Variants in FHIP1A observed in about 807,000 individuals in gnomAD.
FHIP1A encodes the protein FHF complex subunit HOOK interacting protein 1A, also known as FHF complex subunit HOOK-interacting protein 1A.
In FHIP1A, 61 loss-of-function variants were observed where a neutral mutation model predicts 88.6. The ratio of observed to expected loss-of-function variants is 0.69; its 90% CI spans 0.56 to 0.85. The LOEUF is 0.85. Among genes scored for constraint, FHIP1A ranks in the 40% least tolerant of loss-of-function variants. FHIP1A has a pLI of 0.00. For synonymous variants in FHIP1A, 478 were observed against 496.0 expected (o/e 0.96, Z 0.48); for missense variants, 1,154 against 1,273.5 (o/e 0.91, Z 1.43).
intron 7 of FHIP1A, among the ~76,000 whole-genome samples, chr4:151,605,627 G>A (rs1735043660): frequency 6.6e-6 from 1 of 152,214 alleles, no homozygotes; most frequent in Non-Finnish European, 1.5e-5. Flanking sequence ...AATAATTTCA[G>A]CCATTTCCTT....
intron 2 of FHIP1A, among the ~76,000 whole-genome samples, chr4:151,466,425 C>A (rs1729316163): frequency 6.6e-6 from 1 of 152,180 alleles, no homozygotes; most frequent in African/African-American, 2.4e-5. Flanking sequence ...TTTATAGATT[C>A]AGTGCTATTC....
chr4:151,518,635 T>TCCC (rs1560744124), intron 3 of FHIP1A, among the ~76,000 whole-genome samples: 1 of 81,456 alleles, frequency 1.2e-5, no homozygotes, highest in South Asian at 4.3e-4. Flanking sequence ...AACTATCCAT[T>TCCC]TCCCTCCCTC....
At chr4:151,619,957 G>A (rs1434797437) in intron 7 of FHIP1A, among the ~76,000 whole-genome samples, 1 of 152,066 alleles carries the variant, frequency 6.6e-6, no homozygotes, top group East Asian at 1.9e-4. Flanking sequence ...TAGATGCAAA[G>A]GAAGCAGGGA....
At chr4:151,418,904 C>G (rs1266938127) in intron 1 of FHIP1A, among the ~76,000 whole-genome samples, 2 of 152,130 alleles carry the variant, frequency 1.3e-5, no homozygotes, top group Admixed American at 6.5e-5. Context: ...TTTTGTTTCT[C>G]TTTCCAGTTT....
At position 151,665,166 on chromosome 4, in the gene FHIP1A, G is replaced by T. The variant is rs1472982784; in HGVS notation, c.*2412G>T. On this transcript the variant is annotated 3_prime_UTR_variant, in exon 14 of 14. Transcript: ENST00000435205. ...ACTTTTTGGTATAGTTTGTAGAGAT[G>T]GGGTTTCACCTTGTTGCCCAGGCTG... Among the ~76,000 whole-genome samples, 22 of 152,076 alleles carry T rather than the reference G, an allele frequency of 1.4e-4. No homozygotes were observed. The highest frequency in any genetic ancestry group is 1.4e-3 in the Admixed American group (22 of 15,270).
intron 2 of FHIP1A, among the ~76,000 whole-genome samples, chr4:151,460,083 A>G (rs536658968): frequency 6.6e-5 from 10 of 152,178 alleles, no homozygotes; most frequent in African/African-American, 2.4e-4. Flanking sequence ...GTGGCTACAT[A>G]TTGAAAAATA....
chr4:151,428,759 T>A (rs1027917270), intron 1 of FHIP1A, among the ~76,000 whole-genome samples: 1 of 152,220 alleles, frequency 6.6e-6, no homozygotes, highest in Non-Finnish European at 1.5e-5. Context: ...TTCATTTCTT[T>A]TAATGTGTTT....
Position 151,588,066 on chromosome 4 carries a change from G to A in FHIP1A, c.892-774G>A, listed in dbSNP as rs557159773. ...CTTTTTTTAAAGAAAGAGAAATAAA[G>A]CTAATGGGCATGGTAAGAACAGGGA... On this transcript the variant is annotated intron_variant, in intron 6 of 13. Coordinates refer to ENST00000435205, the MANE Select transcript of FHIP1A (RefSeq NM_001109977.3). 8.6e-5 allele frequency among the ~76,000 whole-genome samples: 13 copies of A among 151,954 alleles called. No individual in the cohort carries two copies. The South Asian group carries it at 2.7e-3, about 32-fold the overall frequency.
intron 7 of FHIP1A, among the ~76,000 whole-genome samples, chr4:151,624,415 C>G (rs913183479): frequency 1.3e-5 from 2 of 152,082 alleles, no homozygotes; most frequent in Non-Finnish European, 2.9e-5. Flanking sequence ...TTTCCCCAGG[C>G]AGACAGACCC....
chr4:151,483,909 G>GT (rs1729987078), intron 3 of FHIP1A, among the ~76,000 whole-genome samples: 1 of 152,158 alleles, frequency 6.6e-6, no homozygotes, highest in African/African-American at 2.4e-5. Context: ...GAACAAAGTG[G>GT]TATTGCATAA....
At chr4:151,580,062 C>G (rs184645154) in intron 5 of FHIP1A, among the ~76,000 whole-genome samples, 1 of 152,184 alleles carries the variant, frequency 6.6e-6, no homozygotes, top group African/African-American at 2.4e-5. Context: ...ATCCAGTTCT[C>G]CTACTGTGCC....
chr4:151,419,132 A>G (rs1733014116), intron 1 of FHIP1A, among the ~76,000 whole-genome samples: 1 of 152,150 alleles, frequency 6.6e-6, no homozygotes, highest in South Asian at 2.1e-4. Context: ...TCTGGATGAG[A>G]TTAACATTAG....
intron 7 of FHIP1A, among the ~76,000 whole-genome samples, chr4:151,620,452 A>G (rs546691220): frequency 6.6e-6 from 1 of 152,346 alleles, no homozygotes; most frequent in East Asian, 1.9e-4. Flanking sequence ...GCCAGTCTCA[A>G]CTAGCCTAGA....
At chr4:151,594,670 G>T (rs1734579421) in intron 7 of FHIP1A, among the ~76,000 whole-genome samples, 1 of 151,408 alleles carries the variant, frequency 6.6e-6, no homozygotes, top group Non-Finnish European at 1.5e-5. Context: ...TCCGCCTCCT[G>T]GGTTCATGTC....
chr4:151,506,464 G>A (rs1034222046), intron 3 of FHIP1A, among the ~76,000 whole-genome samples: 3 of 152,198 alleles, frequency 2.0e-5, no homozygotes, highest in African/African-American at 7.2e-5. Flanking sequence ...TCATGGTTCT[G>A]TAGGCTGTAA....
Position 151,646,470 on chromosome 4 carries a change from A to C in FHIP1A, c.1227-88A>C. 4.6e-6 allele frequency: 4 copies of C among 877,800 alleles called. No individual in the cohort carries two copies. In the East Asian group the frequency reaches 1.1e-4, roughly 23 times the overall value. The allele number at this position is 877,800 out of a possible 1,614,324, so 54.4% of individuals were successfully genotyped here. ...AGAGAGGATGAGTCTGCCCCTGGCC[A>C]CAAGGAGTCCCTGTTATGGTTTAGT... is the stretch of plus-strand genomic sequence containing the variant. On this transcript the variant is annotated intron_variant, in intron 9 of 13. Transcript: ENST00000435205.
chr4:151,600,589 T>A (rs913396577), intron 7 of FHIP1A, among the ~76,000 whole-genome samples: 2 of 152,180 alleles, frequency 1.3e-5, no homozygotes, highest in African/African-American at 2.4e-5. Flanking sequence ...GTTATTAGTA[T>A]AAATCATGAT....
chr4:151,433,896 A>G (rs1733695373), intron 1 of FHIP1A, among the ~76,000 whole-genome samples: 1 of 152,194 alleles, frequency 6.6e-6, no homozygotes, highest in Non-Finnish European at 1.5e-5. Context: ...TAGGGACAGC[A>G]TATAAAACAG....
At chr4:151,420,039 C>A in intron 1 of FHIP1A, among the ~76,000 whole-genome samples, 1 of 3,522 alleles carries the variant, frequency 2.8e-4, no homozygotes, top group East Asian at 2.6e-3. Flanking sequence ...TGAATAGTGC[C>A]GCAATAAACA....
Sources: allele counts gnomAD v4.1 joint callset (sites outside exome capture counted in the v4.1 genomes callset), GRCh38; gene constraint gnomAD v4.1.1; transcripts MANE v1.5; gene names NCBI Gene and HGNC (gene_info 2026-07-23, HGNC 2026-07-21).